The following LRP1B variants were observed in gnomAD, a reference collection of about 807,000 sequenced individuals.
LRP1B encodes low-density lipoprotein receptor-related protein 1B.
LRP1B carries 217 observed loss-of-function variants against 556.6 expected under a neutral mutation model. The observed-to-expected ratio is 0.39, with a 90% CI of 0.35 to 0.44. The LOEUF is 0.44. LRP1B is among the 20% of genes least tolerant of loss of function. LRP1B has a pLI of 1.00. For missense variants in LRP1B, 5,053 were observed against 5,620.8 expected, an observed-to-expected ratio of 0.90 and a Z score of 3.23; for synonymous variants, 2,047 against 1,865.8, an observed-to-expected ratio of 1.10 and a Z score of -2.50.
intron 1 of LRP1B, among the ~76,000 whole-genome samples, chr2:142,097,678 T>A (rs879863384): frequency 1.1e-4 from 17 of 151,618 alleles, no homozygotes; most frequent in Non-Finnish European, 2.4e-4. Flanking sequence ...TGAAAAAATA[T>A]GCTACCACAA....
At chr2:141,635,041 T>C (rs1414814877) in intron 2 of LRP1B, among the ~76,000 whole-genome samples, 1 of 35,034 alleles carries the variant, frequency 2.9e-5, no homozygotes, top group Admixed American at 4.0e-4. Flanking sequence ...GTCAGAACTA[T>C]AGTGAAACAC....
intron 35 of LRP1B, among the ~76,000 whole-genome samples, chr2:140,724,886 T>C (rs1687537325): frequency 6.6e-6 from 1 of 152,316 alleles, no homozygotes; most frequent in South Asian, 2.1e-4. Context: ...TATCACTTCC[T>C]GATGATCTGG....
chr2:141,563,887 G>A lies in LRP1B; in HGVS notation c.206-83354C>T, dbSNP rs148998604. On this transcript the variant is annotated intron_variant, in intron 2 of 90. Transcript: ENST00000389484. The stretch of plus-strand genomic sequence containing the variant: ...GGGACTCATGGAGAGGAGAGGGAGG[G>A]AGACGGGGAAAGCTAACCGTTGGGT... Among the ~76,000 whole-genome samples, 227 of 152,086 alleles carry A rather than the reference G, an allele frequency of 1.5e-3. 1 individual carries two copies. Among genetic ancestry groups the A allele is most frequent in the Middle Eastern group, 3.4e-3 (1 of 294 alleles).
intron 2 of LRP1B, among the ~76,000 whole-genome samples, chr2:141,582,243 C>A (rs1159397645): frequency 6.6e-6 from 1 of 152,164 alleles, no homozygotes; most frequent in East Asian, 1.9e-4. Flanking sequence ...AGTGTACTGA[C>A]CAAACAGGGC....
intron 66 of LRP1B, among the ~76,000 whole-genome samples, chr2:140,439,299 C>T (rs997343769): frequency 4.6e-5 from 7 of 152,046 alleles, no homozygotes; most frequent in Admixed American, 3.9e-4. Context: ...GTGCAACAGC[C>T]CTACAAGAGC....
intron 3 of LRP1B, among the ~76,000 whole-genome samples, chr2:141,416,397 T>C (rs1356352865): frequency 2.0e-5 from 3 of 151,854 alleles, no homozygotes; most frequent in Non-Finnish European, 4.4e-5. Context: ...AGACATAAGC[T>C]GCTTAGCACA....
chr2:141,441,357 C>T (rs1231064123), intron 3 of LRP1B, among the ~76,000 whole-genome samples: 6 of 152,060 alleles, frequency 3.9e-5, no homozygotes, highest in African/African-American at 1.2e-4. Context: ...GGACTACAGG[C>T]GTGAGCCACC....
intron 3 of LRP1B, among the ~76,000 whole-genome samples, chr2:141,390,567 G>A (rs1690012743): frequency 6.6e-6 from 1 of 152,184 alleles, no homozygotes; most frequent in African/African-American, 2.4e-5. Flanking sequence ...ATAAACTGTA[G>A]TCTATACATA....
chr2:141,542,334 T>G (rs750755079), intron 2 of LRP1B, among the ~76,000 whole-genome samples: 48 of 151,998 alleles, frequency 3.2e-4, no homozygotes, highest in Non-Finnish European at 5.9e-4. Context: ...TTTCTATGAT[T>G]TTTAATGTCA....
chr2:140,390,361 A>G (rs1683962186), intron 66 of LRP1B, among the ~76,000 whole-genome samples: 1 of 152,166 alleles, frequency 6.6e-6, no homozygotes, highest in African/African-American at 2.4e-5. Context: ...TGATGAAGAA[A>G]GGCAAGTCTT....
chr2:141,475,401 T>C lies in LRP1B; in HGVS notation c.343+4995A>G, dbSNP rs148300908. On this transcript the variant is annotated intron_variant, in intron 3 of 90. Coordinates refer to ENST00000389484, the MANE Select transcript of LRP1B (RefSeq NM_018557.3). ...ATAACTTACCACTTGGCACTACAAA[T>C]GTAATCTAACAGGGATGTGAATAAA... 4.3e-3 allele frequency among the ~76,000 whole-genome samples: 650 copies of C among 152,200 alleles called. 3 individuals are homozygous for C. The highest frequency in any genetic ancestry group is 0.015 in the African/African-American group (609 of 41,538).
At chr2:140,495,859 A>G (rs1187548207) in intron 55 of LRP1B, 111 bp from the exon 56 acceptor site, 1 of 804,254 alleles carries the variant, frequency 1.2e-6, no homozygotes. Context: ...GATAAAGGCA[A>G]GTCTTTCTGT....
chr2:141,935,973 T>C (rs1700625264), intron 1 of LRP1B, among the ~76,000 whole-genome samples: 1 of 152,126 alleles, frequency 6.6e-6, no homozygotes, highest in Non-Finnish European at 1.5e-5. Context: ...AAATAAATCA[T>C]GCCACTTTCA....
intron 18 of LRP1B, among the ~76,000 whole-genome samples, chr2:140,955,461 C>A (rs1162098700): frequency 6.6e-6 from 1 of 151,596 alleles, no homozygotes; most frequent in Non-Finnish European, 1.5e-5. Context: ...AGGACACTTG[C>A]AAGAATTACC....
At chr2:141,360,699 G>A (rs1167094358) in intron 3 of LRP1B, among the ~76,000 whole-genome samples, 1 of 152,154 alleles carries the variant, frequency 6.6e-6, no homozygotes, top group Non-Finnish European at 1.5e-5. Context: ...CTTAAACAAG[G>A]ACAATTCCCC....
intron 7 of LRP1B, among the ~76,000 whole-genome samples, chr2:141,094,081 T>C (rs762986042): frequency 6.6e-6 from 1 of 152,106 alleles, no homozygotes; most frequent in Non-Finnish European, 1.5e-5. Context: ...ATACAGATAG[T>C]AAGAATTGAA....
chr2:140,514,499 G>A (rs1271381907), intron 51 of LRP1B, among the ~76,000 whole-genome samples, 154 bp downstream of exon 51: 1 of 151,776 alleles, frequency 6.6e-6, no homozygotes, highest in African/African-American at 2.4e-5. Flanking sequence ...TAGAATAATG[G>A]ATTGTCATGA....
At chr2:140,484,339 C>A (rs994125064) in intron 59 of LRP1B, among the ~76,000 whole-genome samples, 16 of 151,672 alleles carry the variant, frequency 1.1e-4, no homozygotes, top group Non-Finnish European at 1.9e-4. Flanking sequence ...CATGAGGGAC[C>A]AAAAAAATTA....
In LRP1B at chr2:141,964,597, A is replaced by G. The variant is rs1177847958; in HGVS notation, c.83-154196T>C. ...TACACCTTATACAAAAATCAATTCA[A>G]GATGGATCAAAGATTTAAACGTTAG... On this transcript the variant is annotated intron_variant, in intron 1 of 90. Coordinates refer to ENST00000389484, the MANE Select transcript of LRP1B (RefSeq NM_018557.3). Among the ~76,000 whole-genome samples the G allele has an allele frequency of 2.0e-4, 30 of 152,154 alleles. No individual in the cohort carries two copies. The South Asian group carries it at 4.6e-3, about 23-fold the overall frequency.
Sources: allele counts gnomAD v4.1 joint callset (sites outside exome capture counted in the v4.1 genomes callset), GRCh38; gene constraint gnomAD v4.1.1; transcripts MANE v1.5; gene names NCBI Gene and HGNC (gene_info 2026-07-23, HGNC 2026-07-21).